PCDH9: variants seen among roughly 807,000 people sequenced by gnomAD.
PCDH9 encodes the protein protocadherin 9, also known as protocadherin-9.
PCDH9 carries 24 observed loss-of-function variants against 70.6 expected under a neutral mutation model. The ratio of observed to expected loss-of-function variants is 0.34; its 90% CI spans 0.25 to 0.48. The LOEUF is 0.48. Among genes scored for constraint, PCDH9 ranks in the 20% least tolerant of loss-of-function variants. PCDH9 has a pLI of 0.99. For synonymous variants in PCDH9, 562 were observed against 558.5 expected, an observed-to-expected ratio of 1.01 and a Z score of -0.09; for missense variants, 1,281 against 1,503.6, an observed-to-expected ratio of 0.85 and a Z score of 2.45.
intron 4 of PCDH9, among the ~76,000 whole-genome samples, chr13:66,418,044 CA>C (rs1298001654): frequency 6.6e-6 from 1 of 152,108 alleles, no homozygotes; most frequent in African/African-American, 2.4e-5. Flanking sequence ...GCTTTTGTTG[CA>C]ATTGCTTTTG....
chr13:67,088,779 G>T (rs915735913), intron 2 of PCDH9, among the ~76,000 whole-genome samples: 2 of 151,968 alleles, frequency 1.3e-5, no homozygotes, highest in Non-Finnish European at 2.9e-5. Flanking sequence ...TATCAAACAC[G>T]TCTTAAAATA....
intron 4 of PCDH9, among the ~76,000 whole-genome samples, chr13:66,495,990 G>A (rs1959110521): frequency 6.6e-6 from 1 of 152,198 alleles, no homozygotes; most frequent in Admixed American, 6.5e-5. Flanking sequence ...TGCTTTACTT[G>A]TTTAAACTGT....
chr13:66,454,636 C>T (rs1182566904), intron 4 of PCDH9, among the ~76,000 whole-genome samples: 1 of 152,032 alleles, frequency 6.6e-6, no homozygotes, highest in Admixed American at 6.6e-5. Context: ...TATCCATTCT[C>T]GTGGGAGAAG....
chr13:67,154,591 AAAAAAT>A (rs1190496875), intron 2 of PCDH9, among the ~76,000 whole-genome samples: 5 of 88,846 alleles, frequency 5.6e-5, no homozygotes, highest in African/African-American at 2.3e-4. Flanking sequence ...AAAAAAAAAA[AAAAAAT>A]ATATATATAC....
At chr13:66,626,758 A>G (rs920205454) in intron 4 of PCDH9, among the ~76,000 whole-genome samples, 4 of 152,100 alleles carry the variant, frequency 2.6e-5, no homozygotes, top group African/African-American at 4.8e-5. Flanking sequence ...CATTATTTAC[A>G]CAAAACCTAT....
At chr13:66,626,873 A>T (rs191823226) in intron 4 of PCDH9, among the ~76,000 whole-genome samples, 49 of 152,254 alleles carry the variant, frequency 3.2e-4, no homozygotes, top group African/African-American at 1.2e-3. Context: ...TATAAAATCG[A>T]TAATACTAAT....
intron 2 of PCDH9, among the ~76,000 whole-genome samples, chr13:66,930,895 A>G (rs576944665): frequency 1.3e-5 from 2 of 152,308 alleles, no homozygotes; most frequent in African/African-American, 4.8e-5. Flanking sequence ...TATAAGAAGC[A>G]CACATACAAG....
chr13:67,001,923 C>G (rs1257174213), intron 2 of PCDH9: 1 of 152,194 alleles, frequency 6.6e-6, no homozygotes, highest in Non-Finnish European at 1.5e-5. Flanking sequence ...GATGTTTCCT[C>G]ACAGTTCTTG....
At chr13:66,623,851 C>T (rs574121893) in intron 4 of PCDH9, among the ~76,000 whole-genome samples, 2 of 152,246 alleles carry the variant, frequency 1.3e-5, no homozygotes, top group African/African-American at 4.8e-5. Context: ...AAAATATTTA[C>T]AAGAATTCCT....
Position 66,440,413 on chromosome 13 carries a change from T to C in PCDH9, c.3341-135385A>G, listed in dbSNP as rs528912513. Among the ~76,000 whole-genome samples, 21 of 152,272 alleles carry C rather than the reference T, an allele frequency of 1.4e-4. No individual in the cohort carries two copies. In the South Asian group the frequency reaches 3.9e-3, roughly 29 times the overall value. On this transcript the variant is annotated intron_variant, in intron 4 of 4. Coordinates refer to ENST00000377865, the MANE Select transcript of PCDH9 (RefSeq NM_203487.3). The stretch of plus-strand genomic sequence containing the variant: ...TTCCTGTGCTTGATGTCTGGAAATG[T>C]CTTTTAGATTTTTTGGCTGGACATT...
At chr13:66,397,034 T>C (rs1305386291) in intron 4 of PCDH9, among the ~76,000 whole-genome samples, 2 of 152,138 alleles carry the variant, frequency 1.3e-5, no homozygotes, top group African/African-American at 2.4e-5. Context: ...AACATTAATG[T>C]TTGATATTGT....
chr13:66,311,336 TTCTC>T (rs1166153854), intron 4 of PCDH9, among the ~76,000 whole-genome samples: 26 of 140,840 alleles, frequency 1.8e-4, no homozygotes, highest in African/African-American at 5.3e-4. Context: ...CCCTCAATTT[TTCTC>T]TCTCTCTCTC....
chr13:66,331,494 A>T (rs2138118379), intron 4 of PCDH9, among the ~76,000 whole-genome samples: 1 of 152,318 alleles, frequency 6.6e-6, no homozygotes, highest in East Asian at 1.9e-4. Context: ...GCATTAAGGA[A>T]TTATCATATA....
At chr13:66,587,703 A>T (rs573368145) in intron 4 of PCDH9, among the ~76,000 whole-genome samples, 10 of 152,098 alleles carry the variant, frequency 6.6e-5, no homozygotes, top group African/African-American at 2.4e-4. Context: ...AGATCGTCAG[A>T]GGTAGACTTC....
At position 66,440,976 on chromosome 13, in the gene PCDH9, A is replaced by G. The variant is rs150144364; in HGVS notation, c.3341-135948T>C. On this transcript the variant is annotated intron_variant, in intron 4 of 4. Coordinates refer to ENST00000377865, the MANE Select transcript of PCDH9 (RefSeq NM_203487.3). ...CACAAGATCAACCACAAGCATAATT[A>G]ACTTTAAAGTGACTCAACTTCATTC... Among the ~76,000 whole-genome samples the G allele has an allele frequency of 4.1e-3, 629 of 152,282 alleles. 22 individuals carry two copies. The East Asian group carries it at 0.079, about 19-fold the overall frequency.
chr13:66,357,033 T>A (rs1042052972), intron 4 of PCDH9, among the ~76,000 whole-genome samples: 1 of 151,986 alleles, frequency 6.6e-6, no homozygotes, highest in Non-Finnish European at 1.5e-5. Context: ...ATTAGAAAGA[T>A]TAGTAAGTTA....
chr13:66,404,439 G>C (rs1464307709), intron 4 of PCDH9, among the ~76,000 whole-genome samples: 1 of 152,262 alleles, frequency 6.6e-6, no homozygotes, highest in East Asian at 1.9e-4. Context: ...AAGTGGAAAT[G>C]TAATCATACA....
chr13:66,617,110 A>T (rs549505062), intron 4 of PCDH9, among the ~76,000 whole-genome samples: 2 of 152,294 alleles, frequency 1.3e-5, no homozygotes, highest in African/African-American at 4.8e-5. Flanking sequence ...AAGGCTACTG[A>T]CAGTAGGTGG....
At chr13:66,941,080 A>C (rs1360439293) in intron 2 of PCDH9, among the ~76,000 whole-genome samples, 1 of 151,882 alleles carries the variant, frequency 6.6e-6, no homozygotes, top group Non-Finnish European at 1.5e-5. Context: ...AATAAAATAC[A>C]ATTTTACTTT....
Sources: gnomAD v4.1 joint callset for allele counts (sites outside exome capture counted in the v4.1 genomes callset) on GRCh38, gnomAD v4.1.1 for gene constraint, MANE v1.5 for transcripts, NCBI Gene and HGNC (gene_info 2026-07-23, HGNC 2026-07-21) for gene names.